SEC14L1: variants seen among roughly 807,000 people sequenced by gnomAD.
SEC14L1 encodes SEC14-like protein 1.
A neutral mutation model predicts 85.3 loss-of-function variants in SEC14L1; 48 were observed. The ratio of observed to expected loss-of-function variants is 0.56; its 90% CI spans 0.45 to 0.72. The LOEUF (loss-of-function observed/expected upper bound fraction) is 0.72. Among genes scored for constraint, SEC14L1 ranks in the 30% least tolerant of loss-of-function variants. The pLI is 0.00. For synonymous variants in SEC14L1, 391 were observed against 355.5 expected (o/e 1.10, Z -1.12); for missense variants, 682 against 921.4 (o/e 0.74, Z 3.36).
At chr17:77,203,090 C>A (rs1347524976) in intron 9 of SEC14L1, among the ~76,000 whole-genome samples, 1 of 151,896 alleles carries the variant, frequency 6.6e-6, no homozygotes, top group Non-Finnish European at 1.5e-5. Context: ...TAATCTATGA[C>A]ATGAAAAAAA....
chr17:77,112,667 C>T (rs932263802), intron 3 of SEC14L1, among the ~76,000 whole-genome samples: 2 of 151,604 alleles, frequency 1.3e-5, no homozygotes, highest in Non-Finnish European at 2.9e-5. Flanking sequence ...GGGTGGATCA[C>T]GAGGTCAGGA....
intron 3 of SEC14L1, among the ~76,000 whole-genome samples, chr17:77,180,213 C>T (rs1233316435): frequency 6.6e-6 from 1 of 151,644 alleles, no homozygotes. Context: ...AAGCGATTCT[C>T]CTGCCTCAAC....
At chr17:77,207,801 AC>A (rs1356164437) in intron 13 of SEC14L1, among the ~76,000 whole-genome samples, 1 of 152,138 alleles carries the variant, frequency 6.6e-6, no homozygotes, top group African/African-American at 2.4e-5. Context: ...TTCTCAACAT[AC>A]GTTTGGGGTT....
intron 3 of SEC14L1, among the ~76,000 whole-genome samples, chr17:77,162,682 T>C (rs1438570916): frequency 6.6e-6 from 1 of 151,702 alleles, no homozygotes; most frequent in Non-Finnish European, 1.5e-5. Context: ...AAATACAAAA[T>C]GAACTGGCGT....
In SEC14L1 at chr17:77,143,746, C is replaced by T. The variant is rs545524121; in HGVS notation, c.63+87C>T. The T allele has an allele frequency of 1.8e-4, 169 of 946,700 alleles. No homozygotes were observed. In the African/African-American group the frequency reaches 2.3e-3, roughly 13 times the overall value. The allele number at this position is 946,700 out of a possible 1,614,324, so 58.6% of individuals were successfully genotyped here. A position where few individuals can be genotyped will look rare whatever the true frequency, so the allele number is the denominator to read the frequency against. On this transcript the variant is annotated intron_variant, in intron 3 of 16. Transcript: ENST00000436233. Reference sequence around the variant, plus strand: ...TTTGATGATCTATAGATTTATTGTTCGTCTCCATGGCATCACTTGAACTTA... The same window carrying T: ...TTTGATGATCTATAGATTTATTGTTTGTCTCCATGGCATCACTTGAACTTA...
intron 3 of SEC14L1, among the ~76,000 whole-genome samples, chr17:77,113,315 A>G (rs371405911): frequency 7.5e-4 from 114 of 152,312 alleles, no homozygotes; most frequent in African/African-American, 2.6e-3. Flanking sequence ...TTCCCTGTCT[A>G]TAAGAAGTCA....
At position 77,213,442 on chromosome 17, in the gene SEC14L1, CA is replaced by C; in HGVS notation, c.1994del (p.Lys665SerfsTer4). The C allele has an allele frequency of 6.2e-7, 1 of 1,612,868 alleles. No homozygotes were observed. Among genetic ancestry groups the C allele is most frequent in the Non-Finnish European group, 8.5e-7 (1 of 1,180,026 alleles). On this transcript the variant is annotated frameshift_variant, in exon 16 of 17. Transcript: ENST00000436233. LOFTEE classifies it high-confidence loss of function. The surrounding 1 kb of genome is among the most constrained non-coding windows in gnomAD (Gnocchi z 7.1). ...TTGCGTCCCTGCAGGTCTCTTCGCA[CA>C]AGTGTAAAGTGATGTACTACACCGA... The part of the protein sequence containing the change: ...VLASLQVSSH[K>X]CKVMYYTEVI...
At chr17:77,144,276 T>C (rs747691873) in intron 3 of SEC14L1, among the ~76,000 whole-genome samples, 22 of 152,296 alleles carry the variant, frequency 1.4e-4, no homozygotes, top group Middle Eastern at 3.4e-3. Context: ...CCAGAAAATA[T>C]AATACAGACA....
rs1598392820 is a variant in SEC14L1 at position 77,202,187 on chromosome 17, A to G, written c.1010-1383A>G. 2.6e-5 allele frequency among the ~76,000 whole-genome samples: 4 copies of G among 152,200 alleles called. No homozygotes were observed. In the South Asian group the frequency reaches 8.3e-4, roughly 31 times the overall value. On this transcript the variant is annotated intron_variant, in intron 9 of 16. Coordinates refer to ENST00000436233, the MANE Select transcript of SEC14L1 (RefSeq NM_001143998.2). ...GCGGCACCCATTAGACCTCCAGGCT[A>G]TAAAGAAGTAGAGTCAGGCCAGGCC...
intron 9 of SEC14L1, among the ~76,000 whole-genome samples, chr17:77,202,983 G>C (rs569891511): frequency 6.6e-6 from 1 of 151,856 alleles, no homozygotes; most frequent in South Asian, 2.1e-4. Context: ...CTGCTTGGTG[G>C]GGTTTTAAGG....
At chr17:77,105,597 C>G (rs1971897131) in intron 3 of SEC14L1, among the ~76,000 whole-genome samples, 1 of 152,078 alleles carries the variant, frequency 6.6e-6, no homozygotes, top group African/African-American at 2.4e-5. Flanking sequence ...GGAGGAAAAA[C>G]TTTACCCTCA....
At chr17:77,156,177 G>A (rs1020548621) in intron 3 of SEC14L1, among the ~76,000 whole-genome samples, 15 of 152,112 alleles carry the variant, frequency 9.9e-5, no homozygotes, top group Admixed American at 3.3e-4. Context: ...ACTGGCAGCC[G>A]CTGTAGGGTC....
rs547961132 is a variant in SEC14L1, at chr17:77,179,519, A to C, written c.64-11284A>C. Among the ~76,000 whole-genome samples the C allele has an allele frequency of 1.2e-4, 19 of 152,180 alleles. 1 individual carries two copies. The East Asian group carries it at 3.5e-3, about 28-fold the overall frequency. The stretch of plus-strand genomic sequence containing the variant: ...ATACTTTTTCCTTTGATTTTATAGC[A>C]CTTTAGGATGAACTTACTTTTCCGT... On this transcript the variant is annotated intron_variant, in intron 3 of 16. Transcript: ENST00000436233.
intron 2 of SEC14L1, 61 bp from the exon 3 acceptor site, chr17:77,143,506 G>C: frequency 1.0e-6 from 1 of 983,300 alleles, no homozygotes; most frequent in Non-Finnish European, 1.6e-6. Flanking sequence ...TGTCAGTGCA[G>C]ACTTACTAAT....
intron 11 of SEC14L1, 116 bp downstream of exon 11, chr17:77,205,462 G>C (rs915778503): frequency 1.1e-6 from 1 of 889,270 alleles, no homozygotes; most frequent in African/African-American, 1.7e-5. Flanking sequence ...CTAAAAGGTA[G>C]ACAAGAAGTG....
At chr17:77,168,136 G>A (rs1974366404) in intron 3 of SEC14L1, among the ~76,000 whole-genome samples, 1 of 152,162 alleles carries the variant, frequency 6.6e-6, no homozygotes, top group African/African-American at 2.4e-5. Flanking sequence ...ACGGTACGGG[G>A]CATGTCGGGC....
chr17:77,125,358 C>G (rs1972417986), intron 3 of SEC14L1, among the ~76,000 whole-genome samples: 7 of 151,356 alleles, frequency 4.6e-5, no homozygotes, highest in Admixed American at 4.6e-4. Context: ...ATTATTTTCA[C>G]CAATGATGCA....
chr17:77,161,338 T>A (rs1384642405), intron 3 of SEC14L1, among the ~76,000 whole-genome samples: 2 of 152,044 alleles, frequency 1.3e-5, no homozygotes, highest in Non-Finnish European at 2.9e-5. Context: ...AATACAAAAA[T>A]CAGCTGGGCA....
chr17:77,116,688 A>G (rs977407958), intron 3 of SEC14L1, among the ~76,000 whole-genome samples: 2 of 152,252 alleles, frequency 1.3e-5, no homozygotes, highest in Admixed American at 6.5e-5. Context: ...GTACAGACAT[A>G]AATTTGCTAC....
Sources: allele counts gnomAD v4.1 joint callset (sites outside exome capture counted in the v4.1 genomes callset), GRCh38; gene constraint gnomAD v4.1.1; non-coding constraint Gnocchi (gnomAD v3.1); transcripts MANE v1.5; gene names NCBI Gene and HGNC (gene_info 2026-07-23, HGNC 2026-07-21).